The following KIAA1549L variants were observed in gnomAD, a reference collection of about 807,000 sequenced individuals.
The protein encoded by KIAA1549L is KIAA1549 like, also known as UPF0606 protein KIAA1549L.
A neutral mutation model predicts 160.7 loss-of-function variants in KIAA1549L; 88 were observed. The ratio of observed to expected loss-of-function variants is 0.55; its 90% CI spans 0.46 to 0.65. The LOEUF (loss-of-function observed/expected upper bound fraction) is 0.65. KIAA1549L is among the 30% of genes least tolerant of loss of function. KIAA1549L has a pLI of 0.00. For missense variants in KIAA1549L, 2,258 were observed against 2,437.5 expected (o/e 0.93, Z 1.55); for synonymous variants, 950 against 976.7 (o/e 0.97, Z 0.51).
At chr11:33,403,245 GCAGACACACACACAGACA>G in intron 1 of KIAA1549L, 1 of 10,978 alleles carries the variant, frequency 9.1e-5, no homozygotes, top group East Asian at 2.2e-3. Flanking sequence ...ACACACATAT[GCAGACACACACACAGACA>G]CAGACACACA....
At chr11:33,608,443 A>G (rs188996174) in intron 14 of KIAA1549L, among the ~76,000 whole-genome samples, 1 of 152,288 alleles carries the variant, frequency 6.6e-6, no homozygotes, top group South Asian at 2.1e-4. Context: ...AACCAGTCAC[A>G]GTCACTGAAT....
At chr11:33,547,695 AGCAGAGGGCAAGT>A (rs1854311354) in intron 3 of KIAA1549L, 56 bp from the exon 4 acceptor site, 1 of 947,880 alleles carries the variant, frequency 1.1e-6, no homozygotes, top group South Asian at 1.5e-5. Context: ...GGTTGGGAGG[AGCAGAGGGCAAGT>A]GAATGATGAG....
chr11:33,529,360 G>C (rs1004704772), intron 1 of KIAA1549L, among the ~76,000 whole-genome samples: 1 of 151,986 alleles, frequency 6.6e-6, no homozygotes, highest in Admixed American at 6.6e-5. Flanking sequence ...TATTATCACA[G>C]TTTAGGCAAG....
At chr11:33,479,903 CTG>C (rs1852373214) in intron 1 of KIAA1549L, among the ~76,000 whole-genome samples, 1 of 152,276 alleles carries the variant, frequency 6.6e-6, no homozygotes, top group African/African-American at 2.4e-5. Flanking sequence ...CATTTAAAAA[CTG>C]TGGTATGTTT....
chr11:33,473,146 C>G (rs1338820099), intron 1 of KIAA1549L, among the ~76,000 whole-genome samples: 1 of 152,202 alleles, frequency 6.6e-6, no homozygotes, highest in African/African-American at 2.4e-5. Context: ...TTTTCTGATG[C>G]TTGTTCATGT....
chr11:33,600,189 C>T (rs2133307708), intron 13 of KIAA1549L, among the ~76,000 whole-genome samples: 1 of 152,266 alleles, frequency 6.6e-6, no homozygotes, highest in African/African-American at 2.4e-5. Flanking sequence ...TTCTGCATGC[C>T]TGTAACACAG....
At chr11:33,428,215 G>T (rs1159470853) in intron 1 of KIAA1549L, among the ~76,000 whole-genome samples, 2 of 152,148 alleles carry the variant, frequency 1.3e-5, no homozygotes, top group Non-Finnish European at 2.9e-5. Flanking sequence ...GGACCAAGTG[G>T]CTGGGCCAGT....
chr11:33,661,773 G>C (rs891020098), intron 20 of KIAA1549L, among the ~76,000 whole-genome samples: 3 of 151,486 alleles, frequency 2.0e-5, no homozygotes, highest in Non-Finnish European at 2.9e-5. Flanking sequence ...CTAGCTACTG[G>C]GGAAGCTGAA....
At chr11:33,570,176 G>A (rs12291569) in intron 9 of KIAA1549L, among the ~76,000 whole-genome samples, 67 of 152,054 alleles carry the variant, frequency 4.4e-4, no homozygotes, top group African/African-American at 1.6e-3. Context: ...GCTAGTTTTT[G>A]TATTTTTAGT....
intron 1 of KIAA1549L, among the ~76,000 whole-genome samples, chr11:33,439,697 C>G (rs1351626783): frequency 2.6e-5 from 4 of 151,960 alleles, no homozygotes; most frequent in Admixed American, 6.6e-5. Flanking sequence ...AGCCACCGTG[C>G]CCGGCTGAGT....
chr11:33,475,709 A>AG (rs1852271350), intron 1 of KIAA1549L, among the ~76,000 whole-genome samples: 1 of 151,364 alleles, frequency 6.6e-6, no homozygotes, highest in Admixed American at 6.6e-5. Flanking sequence ...AAAAAAAAAA[A>AG]ATTAGCTAGA....
intron 1 of KIAA1549L, among the ~76,000 whole-genome samples, chr11:33,401,702 C>T (rs768919889): frequency 9.2e-5 from 14 of 152,184 alleles, no homozygotes; most frequent in Non-Finnish European, 1.9e-4. Context: ...GCTGGGACTA[C>T]AGGCACATGC....
At chr11:33,559,623 T>G in intron 6 of KIAA1549L, 126 bp from the exon 7 acceptor site, 1 of 723,968 alleles carries the variant, frequency 1.4e-6, no homozygotes, top group South Asian at 1.7e-5. Context: ...TTCCTTGCTG[T>G]TTCCCTGACC....
intron 12 of KIAA1549L, among the ~76,000 whole-genome samples, chr11:33,593,081 G>A (rs1850103918): frequency 6.6e-6 from 1 of 152,166 alleles, no homozygotes; most frequent in South Asian, 2.1e-4. Flanking sequence ...ATAAAGATCA[G>A]ATGTCATTGG....
chr11:33,645,968 C>T lies in KIAA1549L; in HGVS notation c.5692C>T (p.Pro1898Ser), dbSNP rs373764480. 27 of 1,612,016 alleles carry T rather than the reference C, an allele frequency of 1.7e-5. No individual in the cohort carries two copies. In the African/African-American group the frequency reaches 2.8e-4, roughly 17 times the overall value. ...VTSAPGTMTRPRAGVQWVPTY... is the reference protein window; with the variant it reads ...VTSAPGTMTRSRAGVQWVPTY... ...CAGCGCTCCGGGGACCATGACGCGGCCCAGGGCCGGGGTGCAGTGGGTGCC... is the reference window on the plus strand; with the variant it reads ...CAGCGCTCCGGGGACCATGACGCGGTCCAGGGCCGGGGTGCAGTGGGTGCC... The change falls in exon 17 of 21, where the codon CCC becomes TCC. Residue 1898 changes from proline to serine, a missense_variant. Pro to Ser is a moderately conservative substitution (Grantham distance 74, BLOSUM62 -1). Around this residue, in one of 6 missense-constraint regions of KIAA1549L, gnomAD observed 1,359 missense variants for 1,546.6 expected, o/e 0.88. Transcript: ENST00000658780.
intron 11 of KIAA1549L, among the ~76,000 whole-genome samples, chr11:33,585,448 G>A (rs1158745846): frequency 6.6e-6 from 1 of 152,100 alleles, no homozygotes; most frequent in Non-Finnish European, 1.5e-5. Context: ...AACCTGGGAG[G>A]CAGAGGTTGC....
intron 16 of KIAA1549L, among the ~76,000 whole-genome samples, chr11:33,628,436 C>T (rs1450324779): frequency 2.6e-5 from 4 of 151,280 alleles, no homozygotes; most frequent in African/African-American, 9.8e-5. Context: ...CTTTGTAGGT[C>T]ACTCAGGACT....
At position 33,430,501 on chromosome 11, in the gene KIAA1549L, G is replaced by A. The variant is rs1156403425; in HGVS notation, c.238+53612G>A. Among the ~76,000 whole-genome samples the A allele has an allele frequency of 2.0e-5, 3 of 152,284 alleles. No individual in the cohort carries two copies. The East Asian group carries it at 5.8e-4, about 29-fold the overall frequency. ...TTGATAACTCATTAGGTAAGATCTG[G>A]CCAATTATTTCTTCTTCAATTTGAA... On this transcript the variant is annotated intron_variant, in intron 1 of 20. Transcript: ENST00000658780.
intron 10 of KIAA1549L, among the ~76,000 whole-genome samples, chr11:33,576,037 G>T (rs796472679): frequency 9.9e-5 from 15 of 152,258 alleles, no homozygotes; most frequent in African/African-American, 3.4e-4. Context: ...GGCGTCCCAG[G>T]CATTGGGAAC....
Sources: allele counts gnomAD v4.1 joint callset (sites outside exome capture counted in the v4.1 genomes callset), GRCh38; gene constraint gnomAD v4.1.1; regional missense constraint gnomAD v4.1.1; transcripts MANE v1.5; gene names NCBI Gene and HGNC (gene_info 2026-07-23, HGNC 2026-07-21).